Variants in TF observed in about 807,000 individuals in gnomAD.
TF encodes transferrin.
Under a neutral mutation model 82.4 loss-of-function variants are expected in TF, and 55 were observed. The ratio of observed to expected loss-of-function variants is 0.67; its 90% CI spans 0.54 to 0.84. The LOEUF is 0.84. TF is among the 40% of genes least tolerant of loss of function. The pLI, the probability that TF is intolerant of heterozygous loss-of-function variation, is 0.00. For missense variants in TF, 737 were observed against 868.4 expected (o/e 0.85, Z 1.90); for synonymous variants, 332 against 332.6 (o/e 1.00, Z 0.02).
the TF span, among the ~76,000 whole-genome samples, chr3:133,722,692 A>AT: frequency 6.6e-6 from 1 of 152,280 alleles, no homozygotes; most frequent in African/African-American, 2.4e-5. Context: ...CACAGTTAAT[A>AT]TTTTTGTTGC....
the TF span, among the ~76,000 whole-genome samples, chr3:133,666,365 G>T: frequency 6.6e-6 from 1 of 152,082 alleles, no homozygotes; most frequent in Admixed American, 6.5e-5. Context: ...TAGAGATGGG[G>T]TTTCACCATA....
rs1934736627 is a variant in TF at position 133,788,256 on chromosome 3, C to T, written c.*9636C>T. On this transcript the variant is annotated 3_prime_UTR_variant, in exon 17 of 17. Transcript: ENST00000402696. ...ATCCTCTCCATTTACATAGGGCGTA[C>T]ATCAAGTAAATGACTAGGGTGTATA... The T allele has an allele frequency of 6.6e-6, 1 of 152,176 alleles. No homozygotes were observed. The highest frequency in any genetic ancestry group is 2.4e-5 in the African/African-American group (1 of 41,448). The allele number at this position is 152,176 out of a possible 1,614,324, so 9.4% of individuals were successfully genotyped here. A position where few individuals can be genotyped will look rare whatever the true frequency, so the allele number is the denominator to read the frequency against.
intron 2 of TF, among the ~76,000 whole-genome samples, chr3:133,752,298 A>G (rs1470491087): frequency 6.6e-6 from 1 of 152,028 alleles, no homozygotes; most frequent in Non-Finnish European, 1.5e-5. Context: ...GTGTTTCACC[A>G]TATTGGCTAG....
chr3:133,778,492 C>T (rs1934451272), intron 16 of TF, 94 bp from the exon 17 acceptor site: 3 of 1,410,208 alleles, frequency 2.1e-6, no homozygotes, highest in African/African-American at 1.4e-5. Flanking sequence ...AGTCTGCACA[C>T]TTTGTACTAT....
rs1449846907 is a variant in TF, at chr3:133,759,294, G to A, written c.1168G>A (p.Ala390Thr). The A allele has an allele frequency of 1.9e-6, 3 of 1,613,664 alleles. No individual in the cohort carries two copies. In the Admixed American group the frequency reaches 5.0e-5, roughly 27 times the overall value. Residue 390 changes from alanine (A) to threonine (T), a missense_variant, in exon 9 of 17, where the codon GCA becomes ACA. Physicochemically the swap from Ala to Thr is moderately conservative, Grantham distance 58 (BLOSUM62 0). Coordinates refer to ENST00000402696, the MANE Select transcript of TF (RefSeq NM_001063.4). ...TGTAGGGAAAATAGAGTGTGTATCAGCAGAGACCACCGAAGACTGCATCGC... is the reference window on the plus strand; with the variant it reads ...TGTAGGGAAAATAGAGTGTGTATCAACAGAGACCACCGAAGACTGCATCGC... ...NSVGKIECVS[A>T]ETTEDCIAKI...
In TF at chr3:133,786,388, C is replaced by T. The variant is rs1398131943; in HGVS notation, c.*7768C>T. 2 of 152,020 alleles carry T rather than the reference C, an allele frequency of 1.3e-5. No individual in the cohort carries two copies. Among genetic ancestry groups the T allele is most frequent in the African/African-American group, 4.8e-5 (2 of 41,358 alleles). 9.4% of individuals were successfully genotyped at this position (152,020 alleles called of 1,614,324 possible). A position where few individuals can be genotyped will look rare whatever the true frequency, so the allele number is the denominator to read the frequency against. On this transcript the variant is annotated 3_prime_UTR_variant, in exon 17 of 17. Coordinates refer to ENST00000402696, the MANE Select transcript of TF (RefSeq NM_001063.4). Reference sequence around the variant, plus strand: ...TTGGTTGGGGGGGGTGGCCAAACCACCTGTTAATAATACACATTGTGTTTG... The same window carrying T: ...TTGGTTGGGGGGGGTGGCCAAACCATCTGTTAATAATACACATTGTGTTTG...
the TF span, chr3:133,691,661 G>A: frequency 6.5e-6 from 1 of 152,848 alleles, no homozygotes; most frequent in African/African-American, 2.4e-5. Flanking sequence ...CTGGCAGAGG[G>A]TTAGAGGAGT....
At chr3:133,742,146 G>C (rs1933404909), upstream of TF, among the ~76,000 whole-genome samples, 1 of 152,010 alleles carries the variant, frequency 6.6e-6, no homozygotes, top group African/African-American at 2.4e-5. Context: ...ACTGTGTCCA[G>C]CTGATTTAAA....
At chr3:133,749,078 T>C (rs1205156163) in intron 2 of TF, among the ~76,000 whole-genome samples, 1 of 152,124 alleles carries the variant, frequency 6.6e-6, no homozygotes, top group Non-Finnish European at 1.5e-5. Flanking sequence ...GGAGAATCAC[T>C]TGAACCGGGG....
the TF span, among the ~76,000 whole-genome samples, chr3:133,684,711 A>T: frequency 1.2e-4 from 18 of 152,204 alleles, no homozygotes; most frequent in Non-Finnish European, 2.1e-4. Flanking sequence ...GGCAATAATT[A>T]ATAGCCTACC....
intron 6 of TF, 32 bp from the exon 7 acceptor site, chr3:133,756,799 G>C: frequency 6.2e-7 from 1 of 1,613,896 alleles, no homozygotes; most frequent in Non-Finnish European, 8.5e-7. Flanking sequence ...TGGCTCTCCT[G>C]TGTTAAGCTC....
the TF span, among the ~76,000 whole-genome samples, chr3:133,721,661 G>C: frequency 2.0e-5 from 3 of 152,160 alleles, no homozygotes; most frequent in South Asian, 2.1e-4. Context: ...TAAATAATCT[G>C]TTCATTGTCA....
chr3:133,749,005 A>G (rs1933589866), intron 2 of TF, among the ~76,000 whole-genome samples: 1 of 152,024 alleles, frequency 6.6e-6, no homozygotes, highest in Non-Finnish European at 1.5e-5. Flanking sequence ...ACTAAAAAAT[A>G]TAAAAATTAG....
chr3:133,742,338 T>C (rs528783777), upstream of TF, among the ~76,000 whole-genome samples: 6 of 152,066 alleles, frequency 3.9e-5, no homozygotes, highest in Non-Finnish European at 7.4e-5. Context: ...CTATTCTTCA[T>C]GAGACAGGTA....
In TF at chr3:133,778,681, GC is replaced by G; in HGVS notation, c.*64del. The G allele has an allele frequency of 6.3e-7, 1 of 1,596,474 alleles. No homozygotes were observed. ...GGGAACGCAGATGATCCATGAGTTT[GC>G]CCTGGTTTCACTGGCCCAAGTGGTT... On this transcript the variant is annotated 3_prime_UTR_variant, in exon 17 of 17. Transcript: ENST00000402696.
chr3:133,793,144 C>T lies in TF; in HGVS notation c.*14524C>T, dbSNP rs1018221135. 1.3e-5 allele frequency: 2 copies of T among 151,892 alleles called. No homozygotes were observed. The highest frequency in any genetic ancestry group is 4.8e-5 in the African/African-American group (2 of 41,350). The allele number at this position is 151,892 out of a possible 1,614,324, so 9.4% of individuals were successfully genotyped here. ...AAAGATAATGAAAGATCTTTGTTTG[C>T]CTTTTGAATAAACTACCCCCCCACC... is the stretch of plus-strand genomic sequence containing the variant. On this transcript the variant is annotated 3_prime_UTR_variant, in exon 17 of 17. Transcript: ENST00000402696.
chr3:133,706,208 C>A, the TF span, among the ~76,000 whole-genome samples: 6 of 152,176 alleles, frequency 3.9e-5, no homozygotes, highest in African/African-American at 1.4e-4. Context: ...ACACTGGGGC[C>A]CATTCCTGGC....
chr3:133,745,723 C>A (rs966622480), upstream of TF, among the ~76,000 whole-genome samples: 6 of 152,196 alleles, frequency 3.9e-5, no homozygotes, highest in Non-Finnish European at 8.8e-5. Flanking sequence ...AGTTCATCTT[C>A]CCCTATGACT....
chr3:133,750,645 C>G (rs1463099161), intron 2 of TF, among the ~76,000 whole-genome samples: 1 of 152,248 alleles, frequency 6.6e-6, no homozygotes, highest in South Asian at 2.1e-4. Flanking sequence ...TAGGCCTTAG[C>G]TCTTTGGCTC....
Sources: allele counts gnomAD v4.1 joint callset (sites outside exome capture counted in the v4.1 genomes callset), GRCh38; gene constraint gnomAD v4.1.1; transcripts MANE v1.5; gene names NCBI Gene and HGNC (gene_info 2026-07-23, HGNC 2026-07-21).